SYT2: variants seen among roughly 807,000 people sequenced by gnomAD.
SYT2 encodes the protein synaptotagmin 2, also known as synaptotagmin-2.
SYT2 carries 15 observed loss-of-function variants against 39.9 expected under a neutral mutation model. The observed-to-expected ratio is 0.38, with a 90% confidence interval of 0.25 to 0.58. The LOEUF (loss-of-function observed/expected upper bound fraction) is 0.58. Ranked by LOEUF, SYT2 falls within the 20% of genes least tolerant of loss-of-function variation. The pLI, the probability that SYT2 is intolerant of heterozygous loss-of-function variation, is 0.70. For missense variants in SYT2, 389 were observed against 530.3 expected (o/e 0.73, Z 2.62); for synonymous variants, 181 against 204.5 (o/e 0.89, Z 0.98).
At position 202,685,662 on chromosome 1, in the gene SYT2, G is replaced by C. The variant is rs368286185; in HGVS notation, c.-18+24596C>G. Among the ~76,000 whole-genome samples the C allele has an allele frequency of 2.7e-3, 417 of 152,162 alleles. 4 individuals carry two copies. Among genetic ancestry groups the C allele is most frequent in the African/African-American group, 9.7e-3 (401 of 41,480 alleles). On this transcript the variant is annotated intron_variant, in intron 1 of 8. Transcript: ENST00000367268. ...TGCTACCCTTGGAAGCCGGTGTCTG[G>C]GTGAGATGCCTGCATTATTCCTTTT...
intron 1 of SYT2, among the ~76,000 whole-genome samples, chr1:202,654,851 T>C (rs911109119): frequency 6.6e-6 from 1 of 152,176 alleles, no homozygotes; most frequent in African/African-American, 2.4e-5. Context: ...ATGACCAGCT[T>C]CTGCATAATC....
At chr1:202,624,075 G>C (rs1691274966) in intron 1 of SYT2, among the ~76,000 whole-genome samples, 1 of 152,226 alleles carries the variant, frequency 6.6e-6, no homozygotes. Flanking sequence ...TAAGGGATGG[G>C]TTTAGAGGTT....
chr1:202,632,471 A>G (rs1691620890), intron 1 of SYT2: 1 of 798,922 alleles, frequency 1.3e-6, no homozygotes, highest in Non-Finnish European at 1.5e-6. Flanking sequence ...CTGACTCTAT[A>G]ACCAGTGGAA....
chr1:202,662,159 G>GT (rs1267520507), intron 1 of SYT2, among the ~76,000 whole-genome samples: 1 of 152,210 alleles, frequency 6.6e-6, no homozygotes, highest in Non-Finnish European at 1.5e-5. Flanking sequence ...CAAGCACATG[G>GT]TATAAGAAGG....
At chr1:202,638,991 C>T (rs1356753786) in intron 1 of SYT2, among the ~76,000 whole-genome samples, 2 of 152,178 alleles carry the variant, frequency 1.3e-5, no homozygotes, top group African/African-American at 4.8e-5. Flanking sequence ...AGTAATATTT[C>T]TGTCTTTTGG....
At position 202,592,660 on chromosome 1, in the gene SYT2, T is replaced by C. The variant is rs781502947; in HGVS notation, c.*4097A>G. On this transcript the variant is annotated 3_prime_UTR_variant, in exon 9 of 9. Transcript: ENST00000367268. ...CTCAAATGGCTTCAGAAGGTTCTTA[T>C]TTTGTTGTTGCTTAAAAAATAAAGT... The C allele has an allele frequency of 4.6e-5, 7 of 152,222 alleles. No homozygotes were observed. The East Asian group carries it at 1.3e-3, about 29-fold the overall frequency. The allele number at this position is 152,222 out of a possible 1,614,324, so 9.4% of individuals were successfully genotyped here.
intron 1 of SYT2, chr1:202,630,372 G>A (rs571069365): frequency 1.3e-5 from 13 of 985,228 alleles, no homozygotes; most frequent in East Asian, 2.3e-4. Context: ...GCATCCCATC[G>A]CCAACCGGCT....
Position 202,605,320 on chromosome 1 carries a change from A to G in SYT2, c.178+275T>C, listed in dbSNP as rs533143324. The G allele has an allele frequency of 1.1e-4, 31 of 289,352 alleles. No individual in the cohort carries two copies. The Middle Eastern group carries it at 3.0e-3, about 28-fold the overall frequency. 17.9% of individuals were successfully genotyped at this position (289,352 alleles called of 1,614,324 possible). A position where few individuals can be genotyped will look rare whatever the true frequency, so the allele number is the denominator to read the frequency against. On this transcript the variant is annotated intron_variant, in intron 2 of 8. Transcript: ENST00000367268. Reference sequence around the variant, plus strand: ...AGTGACTTCTGTTTCATAATTTTTCATCGCCTTTTGGTTTCATCTTTAGAC... The same window carrying G: ...AGTGACTTCTGTTTCATAATTTTTCGTCGCCTTTTGGTTTCATCTTTAGAC...
At chr1:202,617,380 A>C (rs1572627795) in intron 1 of SYT2, among the ~76,000 whole-genome samples, 1 of 147,420 alleles carries the variant, frequency 6.8e-6, no homozygotes, top group Non-Finnish European at 1.5e-5. Flanking sequence ...CCCAACCCCC[A>C]CTCCCTCGCC....
At chr1:202,695,168 T>C (rs992603872) in intron 1 of SYT2, among the ~76,000 whole-genome samples, 4 of 152,184 alleles carry the variant, frequency 2.6e-5, no homozygotes, top group Non-Finnish European at 2.9e-5. Flanking sequence ...CAAGTTGTCA[T>C]TGGACCTTTT....
chr1:202,603,553 G>A (rs1690596860), intron 3 of SYT2, among the ~76,000 whole-genome samples: 1 of 152,180 alleles, frequency 6.6e-6, no homozygotes, highest in Non-Finnish European at 1.5e-5. Context: ...CAGGAGCAGA[G>A]TGAGCCCACA....
At chr1:202,613,067 CCTT>C (rs1191986230) in intron 1 of SYT2, among the ~76,000 whole-genome samples, 5 of 121,596 alleles carry the variant, frequency 4.1e-5, no homozygotes, top group African/African-American at 5.8e-5. Flanking sequence ...ATTGGTTCTT[CCTT>C]TTTTTTTTTT....
intron 1 of SYT2, among the ~76,000 whole-genome samples, chr1:202,685,790 G>A (rs1305749037): frequency 6.6e-6 from 1 of 152,124 alleles, no homozygotes; most frequent in East Asian, 1.9e-4. Context: ...GGGGAAAAAT[G>A]AATGCACATT....
intron 1 of SYT2, among the ~76,000 whole-genome samples, chr1:202,650,435 C>CTTTTTTTTTTTTTTTTTTT (rs68013997): frequency 1.4e-5 from 2 of 143,264 alleles, no homozygotes; most frequent in Non-Finnish European, 1.5e-5. Flanking sequence ...GTTTCATATG[C>CTTTTTTTTTTTTTTTTTTT]TTTTGTTTTT....
At position 202,601,790 on chromosome 1, in the gene SYT2, G is replaced by T; in HGVS notation, c.801+100C>A. On this transcript the variant is annotated intron_variant, in intron 6 of 8. Transcript: ENST00000367268. This position sits in a 1 kb window ranked among gnomAD's most constrained non-coding sequence, Gnocchi z 4.0. The stretch of plus-strand genomic sequence containing the variant: ...TGGAGCTGGGATCCTAACACAGGTC[G>T]TCTGCCTCCAAAGCCCACCCTGTTT... 1 of 1,300,204 alleles carries T rather than the reference G, an allele frequency of 7.7e-7. No homozygotes were observed. Among genetic ancestry groups the T allele is most frequent in the South Asian group, 1.4e-5 (1 of 72,674 alleles). The allele number at this position is 1,300,204 out of a possible 1,614,324, so 80.5% of individuals were successfully genotyped here.
chr1:202,624,299 G>GGT (rs1691286360), intron 1 of SYT2, among the ~76,000 whole-genome samples: 1 of 150,268 alleles, frequency 6.7e-6, no homozygotes, highest in African/African-American at 2.5e-5. Flanking sequence ...GTGTGTGTGT[G>GGT]ATGTAGGGGG....
chr1:202,636,680 G>A (rs1003091299), intron 1 of SYT2, among the ~76,000 whole-genome samples: 14 of 152,262 alleles, frequency 9.2e-5, no homozygotes, highest in African/African-American at 2.9e-4. Flanking sequence ...TCTACAAAAC[G>A]TCAGTTTTCA....
intron 1 of SYT2, among the ~76,000 whole-genome samples, chr1:202,624,318 G>A (rs1302652783): frequency 6.7e-6 from 1 of 149,750 alleles, no homozygotes; most frequent in Non-Finnish European, 1.5e-5. Context: ...GGTGGTGTGG[G>A]TTAGGGGTGG....
At chr1:202,604,750 G>C in intron 2 of SYT2, 129 bp from the exon 3 acceptor site, 2 of 707,612 alleles carry the variant, frequency 2.8e-6, no homozygotes, top group East Asian at 3.8e-5. Flanking sequence ...CATTTTAAAA[G>C]CCACACACCC....
Sources: gnomAD v4.1 joint callset for allele counts (sites outside exome capture counted in the v4.1 genomes callset) on GRCh38, gnomAD v4.1.1 for gene constraint, Gnocchi (gnomAD v3.1) non-coding constraint, MANE v1.5 for transcripts, NCBI Gene and HGNC (gene_info 2026-07-23, HGNC 2026-07-21) for gene names.